Variants in SLMAP observed in about 807,000 individuals in gnomAD.
SLMAP encodes sarcolemma associated protein, also known as sarcolemmal membrane-associated protein.
Under a neutral mutation model 128.8 loss-of-function variants are expected in SLMAP, and 44 were observed. That is an observed-to-expected ratio of 0.34 (90% confidence interval 0.27 to 0.44). The LOEUF (loss-of-function observed/expected upper bound fraction) is 0.44. Ranked by LOEUF, SLMAP falls within the 20% of genes least tolerant of loss-of-function variation. The pLI, the probability that SLMAP is intolerant of heterozygous loss-of-function variation, is 1.00. For synonymous variants in SLMAP, 327 were observed against 348.8 expected, an observed-to-expected ratio of 0.94 and a Z score of 0.70; for missense variants, 787 against 985.3, an observed-to-expected ratio of 0.80 and a Z score of 2.69.
chr3:57,890,210 A>G (rs1026212474), intron 15 of SLMAP, 110 bp downstream of exon 15: 6 of 919,590 alleles, frequency 6.5e-6, no homozygotes, highest in South Asian at 6.5e-5. Flanking sequence ...CTTATAGCTC[A>G]CAAAATAGCA....
At chr3:57,925,271 G>A (rs890780807) in intron 23 of SLMAP, among the ~76,000 whole-genome samples, 5 of 150,512 alleles carry the variant, frequency 3.3e-5, no homozygotes, top group Non-Finnish European at 5.9e-5. Context: ...GTCTTCATGT[G>A]CTATATTTCA....
chr3:57,872,365 C>T (rs2095501296), intron 14 of SLMAP, among the ~76,000 whole-genome samples: 1 of 152,066 alleles, frequency 6.6e-6, no homozygotes. Context: ...CACCTGTAAT[C>T]CTAGCACTTT....
In SLMAP at chr3:57,761,676, G is replaced by A. The variant is rs574353602; in HGVS notation, c.198+3827G>A. On this transcript the variant is annotated intron_variant, in intron 2 of 24. Coordinates refer to ENST00000671191, the MANE Select transcript of SLMAP (RefSeq NM_001377540.1). ...GTTTACCTGGGCGGTCGACAATTGGGGTAATATGTGCTTTGGGTGACTTTC... is the reference window on the plus strand; with the variant it reads ...GTTTACCTGGGCGGTCGACAATTGGAGTAATATGTGCTTTGGGTGACTTTC... Among the ~76,000 whole-genome samples the A allele has an allele frequency of 2.0e-5, 3 of 152,268 alleles. No homozygotes were observed. In the South Asian group the frequency reaches 6.2e-4, roughly 32 times the overall value.
intron 2 of SLMAP, among the ~76,000 whole-genome samples, chr3:57,819,635 T>C (rs2092316407): frequency 6.6e-6 from 1 of 152,234 alleles, no homozygotes; most frequent in Non-Finnish European, 1.5e-5. Flanking sequence ...TTGTATGCAT[T>C]ATTAAACAGT....
At chr3:57,924,339 C>T (rs2096965033) in intron 23 of SLMAP, among the ~76,000 whole-genome samples, 1 of 151,742 alleles carries the variant, frequency 6.6e-6, no homozygotes, top group South Asian at 2.1e-4. Context: ...TGATTGAAAG[C>T]CCTGAGACTC....
chr3:57,832,468 T>C (rs2093398682), intron 3 of SLMAP, among the ~76,000 whole-genome samples: 2 of 152,246 alleles, frequency 1.3e-5, no homozygotes, highest in African/African-American at 4.8e-5. Context: ...TGCCTCTACC[T>C]AGTTCACGGT....
chr3:57,828,200 C>A (rs1294190306), intron 2 of SLMAP, among the ~76,000 whole-genome samples: 1 of 152,204 alleles, frequency 6.6e-6, no homozygotes, highest in Non-Finnish European at 1.5e-5. Context: ...CTCAGGTGAT[C>A]CACCCGCTTT....
intron 22 of SLMAP, 74 bp from the exon 23 acceptor site, chr3:57,922,815 T>C (rs950903212): frequency 2.8e-6 from 4 of 1,412,514 alleles, no homozygotes; most frequent in Non-Finnish European, 3.9e-6. Context: ...ATCTGGCGTA[T>C]AAACCTGATT....
At chr3:57,883,347 G>C (rs564622879) in intron 14 of SLMAP, among the ~76,000 whole-genome samples, 3 of 152,276 alleles carry the variant, frequency 2.0e-5, no homozygotes, top group East Asian at 3.9e-4. Flanking sequence ...GCCAAAGAAT[G>C]CTAGACTTAA....
intron 2 of SLMAP, among the ~76,000 whole-genome samples, chr3:57,821,115 A>G (rs2092463368): frequency 6.6e-6 from 1 of 152,238 alleles, no homozygotes; most frequent in Non-Finnish European, 1.5e-5. Flanking sequence ...TATATGCTTT[A>G]TACTGTTTTG....
rs752120657 is a variant in SLMAP at position 57,922,935 on chromosome 3, A to G, written c.2357A>G (p.Glu786Gly). 6 of 1,613,642 alleles carry G rather than the reference A, an allele frequency of 3.7e-6. No individual in the cohort carries two copies. The highest frequency in any genetic ancestry group is 4.2e-6 in the Non-Finnish European group (5 of 1,179,856). The change falls in exon 23 of 25, where the codon GAA (glutamate) becomes GGA (glycine). Residue 786 changes from glutamate to glycine, a missense_variant. Glu to Gly is a moderately conservative substitution (Grantham distance 98, BLOSUM62 -2). Transcript: ENST00000671191. Reference sequence around the variant, plus strand: ...CTCTCAGAACTGAAGTTGAAGTTTGAAATGACTGAGCAGGAAAAGCAGTCA... The same window carrying G: ...CTCTCAGAACTGAAGTTGAAGTTTGGAATGACTGAGCAGGAAAAGCAGTCA... ...TVLSELKLKF[E>G]MTEQEKQSIT...
chr3:57,778,015 A>G (rs2082267795), intron 2 of SLMAP, among the ~76,000 whole-genome samples: 1 of 152,114 alleles, frequency 6.6e-6, no homozygotes, highest in Non-Finnish European at 1.5e-5. Flanking sequence ...ATATTGCTGG[A>G]TTTGATTTGC....
Position 57,896,408 on chromosome 3 carries a change from C to A in SLMAP, c.1361-103C>A, listed in dbSNP as rs923351451. On this transcript the variant is annotated intron_variant, in intron 15 of 24. Transcript: ENST00000671191. ...AGTGACCTGACCTATTTTAAAAGTA[C>A]TTTGCGTACCTGTAGATTTTGAGCA... The A allele has an allele frequency of 4.9e-6, 7 of 1,428,108 alleles. No homozygotes were observed. The African/African-American group carries it at 8.9e-5, about 18-fold the overall frequency. 88.5% of individuals were successfully genotyped at this position (1,428,108 alleles called of 1,614,324 possible).
At position 57,860,822 on chromosome 3, in the gene SLMAP, A is replaced by C; in HGVS notation, c.811A>C (p.Lys271Gln). The change falls in exon 9 of 25, where the codon AAA becomes CAA. Residue 271 changes from lysine (K) to glutamine (Q), a missense_variant. This residue lies in a region of SLMAP where 715 missense variants were observed against 843.6 expected (regional missense o/e 0.85). Transcript: ENST00000671191. ...VLQEKIEVVR[K>Q]LSEVERSLSN... ...TCAGGAGAAAATTGAAGTGGTTAGAAAACTTTCAGAAGTTGAGGTATTTCA... is the reference window on the plus strand; with the variant it reads ...TCAGGAGAAAATTGAAGTGGTTAGACAACTTTCAGAAGTTGAGGTATTTCA... 1 of 1,588,494 alleles carries C rather than the reference A, an allele frequency of 6.3e-7. No homozygotes were observed. The highest frequency in any genetic ancestry group is 8.5e-7 in the Non-Finnish European group (1 of 1,173,632).
intron 2 of SLMAP, among the ~76,000 whole-genome samples, chr3:57,761,554 C>G (rs2153428809): frequency 6.6e-6 from 1 of 151,972 alleles, no homozygotes; most frequent in East Asian, 2.0e-4. Flanking sequence ...CTCGGCCTCC[C>G]AAAGTGCTAG....
chr3:57,778,425 A>T (rs1288717584), intron 2 of SLMAP, among the ~76,000 whole-genome samples: 1 of 150,878 alleles, frequency 6.6e-6, no homozygotes, highest in Non-Finnish European at 1.5e-5. Flanking sequence ...TGTTCTTCTT[A>T]AAGAATCAGG....
chr3:57,767,445 TA>T (rs2079970167), intron 2 of SLMAP, among the ~76,000 whole-genome samples: 1 of 152,228 alleles, frequency 6.6e-6, no homozygotes, highest in Non-Finnish European at 1.5e-5. Flanking sequence ...TGGACTCAAT[TA>T]TCAATATGTA....
At chr3:57,912,221 C>A in intron 19 of SLMAP, 160 bp from the exon 20 acceptor site, 1 of 534,564 alleles carries the variant, frequency 1.9e-6, no homozygotes, top group Non-Finnish European at 3.3e-6. Context: ...TTCCTCTTTG[C>A]TATCTGTATT....
intron 17 of SLMAP, 118 bp from the exon 18 acceptor site, chr3:57,907,766 A>T: frequency 1.1e-6 from 1 of 892,762 alleles, no homozygotes; most frequent in Non-Finnish European, 1.6e-6. Flanking sequence ...AGTTTTATTT[A>T]ACTCAGTTGT....
Sources: gnomAD v4.1 joint callset for allele counts (sites outside exome capture counted in the v4.1 genomes callset) on GRCh38, gnomAD v4.1.1 for gene constraint, gnomAD v4.1.1 regional missense constraint, MANE v1.5 for transcripts, NCBI Gene and HGNC (gene_info 2026-07-23, HGNC 2026-07-21) for gene names.